Variants in AGFG2 observed in about 807,000 individuals in gnomAD.
AGFG2 encodes ArfGAP with FG repeats 2, also known as arf-GAP domain and FG repeat-containing protein 2.
AGFG2 carries 31 observed loss-of-function variants against 48.0 expected under a neutral mutation model. The observed-to-expected ratio is 0.65, with a 90% CI of 0.49 to 0.87. The LOEUF is 0.87. AGFG2 is among the 40% of genes least tolerant of loss of function. AGFG2 has a pLI of 0.00. For missense variants in AGFG2, 599 were observed against 632.6 expected, an observed-to-expected ratio of 0.95 and a Z score of 0.57; for synonymous variants, 229 against 260.8, an observed-to-expected ratio of 0.88 and a Z score of 1.18.
At position 100,563,907 on chromosome 7, in the gene AGFG2, C is replaced by G; in HGVS notation, c.1245C>G (p.Ser415Arg). Residue 415 changes from serine to arginine, a missense_variant, in exon 10 of 12, where the codon AGC (serine) becomes AGG (arginine). Transcript: ENST00000300176. ...QAVPPTGAFA[S>R]SFPAPLFPPQ... The stretch of plus-strand genomic sequence containing the variant: ...TGCCACCCACTGGGGCCTTTGCCAG[C>G]TCCTTCCCAGCACCGCTGTTCCCCC... The G allele has an allele frequency of 6.2e-7, 1 of 1,609,972 alleles. No individual in the cohort carries two copies. Among genetic ancestry groups the G allele is most frequent in the African/African-American group, 1.3e-5 (1 of 75,016 alleles).
At chr7:100,563,796 C>T in intron 9 of AGFG2, 38 bp from the exon 10 acceptor site, 1 of 1,607,676 alleles carries the variant, frequency 6.2e-7, no homozygotes, top group Non-Finnish European at 8.5e-7. Context: ...GCCCACCTTC[C>T]AGAAGTTCAC....
intron 6 of AGFG2, among the ~76,000 whole-genome samples, chr7:100,561,254 G>C (rs1800864562): frequency 6.6e-6 from 1 of 151,494 alleles, no homozygotes; most frequent in South Asian, 2.1e-4. Flanking sequence ...AGCCTCCGAA[G>C]TAGCTGGGAT....
At position 100,542,581 on chromosome 7, in the gene AGFG2, T is replaced by G. The variant is rs75608166; in HGVS notation, c.221+3014T>G. Among the ~76,000 whole-genome samples, 1,103 of 152,334 alleles carry G rather than the reference T, an allele frequency of 7.2e-3. 14 individuals are homozygous for G. Among genetic ancestry groups the G allele is most frequent in the African/African-American group, 0.025 (1,036 of 41,578 alleles). On this transcript the variant is annotated intron_variant, in intron 1 of 11. Transcript: ENST00000300176. ...ATTAGCATGACAAGGGCAAGGCATA[T>G]AATCCTTGTAAAGGGGTCTTAACAC... is the stretch of plus-strand genomic sequence containing the variant.
At chr7:100,563,458 G>A (rs1800925544) in intron 9 of AGFG2, among the ~76,000 whole-genome samples, 1 of 152,256 alleles carries the variant, frequency 6.6e-6, no homozygotes, top group Non-Finnish European at 1.5e-5. Flanking sequence ...GCCCAGTGCT[G>A]AGGGCTTCGT....
chr7:100,550,757 A>G (rs1800614254), intron 3 of AGFG2, among the ~76,000 whole-genome samples: 1 of 151,890 alleles, frequency 6.6e-6, no homozygotes, highest in African/African-American at 2.4e-5. Flanking sequence ...GTCGGGAGGT[A>G]GGCCTGTGGG....
chr7:100,562,543 G>T lies in AGFG2; in HGVS notation c.999-51G>T. 1 of 1,612,674 alleles carries T rather than the reference G, an allele frequency of 6.2e-7. No individual in the cohort carries two copies. The highest frequency in any genetic ancestry group is 1.1e-5 in the South Asian group (1 of 90,964). ...TGGCATCTCCTGGCCCCTTGCTCAG[G>T]TTTGATTGGCCCTGGCAGCTGTGTA... On this transcript the variant is annotated intron_variant, in intron 7 of 11. Transcript: ENST00000300176. This position sits in a 1 kb window ranked among gnomAD's most constrained non-coding sequence, Gnocchi z 5.4.
rs1025245229 is a variant in AGFG2, at chr7:100,562,372, C to T, written c.991C>T (p.Pro331Ser). The T allele has an allele frequency of 1.2e-6, 2 of 1,613,432 alleles. No homozygotes were observed. The highest frequency in any genetic ancestry group is 1.7e-5 in the Admixed American group (1 of 59,988). Residue 331 changes from proline (P) to serine (S), a missense_variant, in exon 7 of 12, where the codon CCT becomes TCT. Pro to Ser is a moderately conservative substitution (Grantham distance 74, BLOSUM62 -1). Coordinates refer to ENST00000300176, the MANE Select transcript of AGFG2 (RefSeq NM_006076.5). This position sits in a 1 kb window ranked among gnomAD's most constrained non-coding sequence, Gnocchi z 5.4. ...LGPGVPAAGV[P>S]SSLFGMAGQV... is the part of the protein sequence containing the mutation. ...ACCCGGGGTGCCCGCTGCAGGTGTT[C>T]CTAGCAGGTAGGTACAGACAGTGGG...
At chr7:100,560,210 G>A (rs1397432501) in intron 6 of AGFG2, among the ~76,000 whole-genome samples, 5 of 148,794 alleles carry the variant, frequency 3.4e-5, no homozygotes, top group African/African-American at 1.2e-4. Context: ...AAACAGTCTT[G>A]CCCTGTCGCC....
rs117856496 is a variant in AGFG2 at position 100,540,025 on chromosome 7, A to C, written c.221+458A>C. Among the ~76,000 whole-genome samples, 976 of 151,840 alleles carry C rather than the reference A, an allele frequency of 6.4e-3. 22 individuals are homozygous for C. The highest frequency in any genetic ancestry group is 0.063 in the East Asian group (324 of 5,138). ...AAAGCCGGCCTGGAGATGGACGGGCACCTTTCTTCCTTCGGGCTTGTGTCC... is the reference window on the plus strand; with the variant it reads ...AAAGCCGGCCTGGAGATGGACGGGCCCCTTTCTTCCTTCGGGCTTGTGTCC... On this transcript the variant is annotated intron_variant, in intron 1 of 11. Transcript: ENST00000300176.
intron 3 of AGFG2, 53 bp downstream of exon 3, chr7:100,550,564 C>A: frequency 1.4e-6 from 2 of 1,389,614 alleles, no homozygotes; most frequent in Non-Finnish European, 2.0e-6. Context: ...CATTCTTCAT[C>A]TGACAGTCCA....
In AGFG2 at chr7:100,541,145, G is replaced by T. The variant is rs114203388; in HGVS notation, c.221+1578G>T. ...TTTCGTAACTTATCCAGTGCCATAT[G>T]GGCATTGCGGTTTCCAACATTTGTT... On this transcript the variant is annotated intron_variant, in intron 1 of 11. Transcript: ENST00000300176. Among the ~76,000 whole-genome samples, 231 of 152,248 alleles carry T rather than the reference G, an allele frequency of 1.5e-3. 3 individuals are homozygous for T. Among genetic ancestry groups the T allele is most frequent in the African/African-American group, 5.3e-3 (219 of 41,534 alleles).
At chr7:100,543,253 C>T (rs1168750216) in intron 1 of AGFG2, among the ~76,000 whole-genome samples, 2 of 152,096 alleles carry the variant, frequency 1.3e-5, no homozygotes, top group African/African-American at 2.4e-5. Context: ...TTAGTAGAGA[C>T]GGGGTTTCAC....
At chr7:100,546,852 C>T (rs1202875653) in intron 1 of AGFG2, among the ~76,000 whole-genome samples, 3 of 152,140 alleles carry the variant, frequency 2.0e-5, no homozygotes, top group South Asian at 4.1e-4. Flanking sequence ...GAAATGTGAT[C>T]GGAAGACAGT....
chr7:100,549,179 TGACCAGA>T (rs1006884966), intron 2 of AGFG2, among the ~76,000 whole-genome samples: 7 of 152,176 alleles, frequency 4.6e-5, no homozygotes, highest in African/African-American at 1.7e-4. Context: ...AGGGGTAGAA[TGACCAGA>T]GCTCCAGAGC....
At chr7:100,548,160 A>G (rs931540781) in intron 1 of AGFG2, among the ~76,000 whole-genome samples, 2 of 152,108 alleles carry the variant, frequency 1.3e-5, no homozygotes, top group Admixed American at 1.3e-4. Context: ...CTCGGCCTAC[A>G]GGCTGAACAC....
chr7:100,541,926 A>C (rs1041207822), intron 1 of AGFG2, among the ~76,000 whole-genome samples: 9 of 152,070 alleles, frequency 5.9e-5, no homozygotes, highest in African/African-American at 2.2e-4. Context: ...GATCTTTGTT[A>C]AAGTGTCCCA....
intron 1 of AGFG2, among the ~76,000 whole-genome samples, chr7:100,548,589 AG>A (rs2131106334): frequency 6.6e-6 from 1 of 152,298 alleles, no homozygotes; most frequent in Admixed American, 6.5e-5. Context: ...CTGGGATTAC[AG>A]GTGTGAGTCA....
At chr7:100,555,224 C>T (rs1320855652) in intron 5 of AGFG2, among the ~76,000 whole-genome samples, 1 of 144,600 alleles carries the variant, frequency 6.9e-6, no homozygotes, top group Admixed American at 6.9e-5. Flanking sequence ...CATGGATAGG[C>T]ATATACATTT....
At chr7:100,564,018 CAGTT>C (rs2131126927) in intron 10 of AGFG2, 56 bp downstream of exon 10, 4 of 1,588,180 alleles carry the variant, frequency 2.5e-6, no homozygotes, top group African/African-American at 1.3e-5. Context: ...GCATAGAGAT[CAGTT>C]AGTTGTTCCT....
Sources: gnomAD v4.1 joint callset for allele counts (sites outside exome capture counted in the v4.1 genomes callset) on GRCh38, gnomAD v4.1.1 for gene constraint, Gnocchi (gnomAD v3.1) non-coding constraint, MANE v1.5 for transcripts, NCBI Gene and HGNC (gene_info 2026-07-23, HGNC 2026-07-21) for gene names.